ROBO1: variants seen among roughly 807,000 people sequenced by gnomAD.
ROBO1 encodes the protein roundabout homolog 1.
ROBO1 carries 149 observed loss-of-function variants against 195.9 expected under a neutral mutation model. The observed-to-expected ratio is 0.76, with a 90% CI of 0.67 to 0.87. ROBO1 has a LOEUF of 0.87. ROBO1 is among the 40% of genes least tolerant of loss of function. The pLI, the probability that ROBO1 is intolerant of heterozygous loss-of-function variation, is 0.00. For synonymous variants in ROBO1, 816 were observed against 733.2 expected (o/e 1.11, Z -1.82); for missense variants, 1,933 against 2,068.3 (o/e 0.93, Z 1.27).
At chr3:79,491,496 G>GA (rs1403933346) in intron 2 of ROBO1, among the ~76,000 whole-genome samples, 3 of 152,156 alleles carry the variant, frequency 2.0e-5, no homozygotes, top group African/African-American at 7.2e-5. Flanking sequence ...TAGCTGTCAT[G>GA]AATCACTGTT....
At chr3:79,525,735 G>T (rs1467797941) in intron 2 of ROBO1, among the ~76,000 whole-genome samples, 1 of 151,026 alleles carries the variant, frequency 6.6e-6, no homozygotes, top group East Asian at 2.0e-4. Context: ...CCTCCTGAGT[G>T]GCTGGGATTA....
At chr3:79,739,005 C>T (rs186158109) in intron 1 of ROBO1, among the ~76,000 whole-genome samples, 72 of 152,234 alleles carry the variant, frequency 4.7e-4, no homozygotes, top group African/African-American at 1.6e-3. Context: ...ATAAGTAACA[C>T]ATAAATATGT....
intron 2 of ROBO1, among the ~76,000 whole-genome samples, chr3:79,163,655 G>C (rs889279326): frequency 6.6e-6 from 1 of 152,028 alleles, no homozygotes; most frequent in African/African-American, 2.4e-5. Flanking sequence ...GTGCACAAGG[G>C]TTCCAATTTC....
chr3:79,343,392 GT>G (rs1449362492), intron 2 of ROBO1, among the ~76,000 whole-genome samples: 1 of 152,106 alleles, frequency 6.6e-6, no homozygotes, highest in African/African-American at 2.4e-5. Flanking sequence ...AGTATGTTTA[GT>G]TTTGTAAGAA....
chr3:79,691,628 A>T (rs1947300195), intron 1 of ROBO1, among the ~76,000 whole-genome samples: 2 of 151,838 alleles, frequency 1.3e-5, no homozygotes, highest in Admixed American at 1.3e-4. Context: ...CCGACTGTGC[A>T]TCCAATATAA....
chr3:79,060,981 T>C (rs1237558354), intron 3 of ROBO1, among the ~76,000 whole-genome samples: 1 of 152,128 alleles, frequency 6.6e-6, no homozygotes, highest in African/African-American at 2.4e-5. Context: ...TTCAACATAC[T>C]GTTGAAAGTT....
At chr3:79,016,501 A>G (rs777093083) in intron 3 of ROBO1, among the ~76,000 whole-genome samples, 3 of 152,190 alleles carry the variant, frequency 2.0e-5, no homozygotes, top group Non-Finnish European at 4.4e-5. Context: ...TAATTGTCTC[A>G]TATCTATTCA....
intron 2 of ROBO1, among the ~76,000 whole-genome samples, chr3:79,156,343 GT>G (rs770253289): frequency 1.3e-5 from 2 of 151,086 alleles, no homozygotes; most frequent in East Asian, 1.9e-4. Flanking sequence ...TGGATTATAA[GT>G]TTTTGGTAAG....
intron 2 of ROBO1, among the ~76,000 whole-genome samples, chr3:79,444,489 G>A (rs369825963): frequency 1.3e-5 from 2 of 152,042 alleles, no homozygotes; most frequent in South Asian, 2.1e-4. Context: ...CTGAGAAGCC[G>A]ACATTTCCTC....
chr3:79,313,299 A>T (rs1019025217), intron 2 of ROBO1, among the ~76,000 whole-genome samples: 1 of 152,172 alleles, frequency 6.6e-6, no homozygotes, highest in Non-Finnish European at 1.5e-5. Context: ...AAAAGATCCC[A>T]ATCCTGCTTA....
At chr3:78,611,755 G>A (rs1023559382) in intron 28 of ROBO1, among the ~76,000 whole-genome samples, 1 of 152,168 alleles carries the variant, frequency 6.6e-6, no homozygotes, top group African/African-American at 2.4e-5. Flanking sequence ...AAGAGGTAAT[G>A]AAGTTAAAAT....
At chr3:79,520,264 G>A (rs554378211) in intron 2 of ROBO1, among the ~76,000 whole-genome samples, 1 of 152,222 alleles carries the variant, frequency 6.6e-6, no homozygotes, top group African/African-American at 2.4e-5. Context: ...ACTAGATCGG[G>A]TGTCAGGAAG....
intron 2 of ROBO1, among the ~76,000 whole-genome samples, chr3:79,374,840 A>G (rs1575741980): frequency 1.3e-5 from 2 of 151,812 alleles, no homozygotes; most frequent in South Asian, 4.1e-4. Flanking sequence ...CTTGTATTCC[A>G]TTTTTTTCTA....
chr3:79,568,480 GAA>G (rs36032880), intron 2 of ROBO1, among the ~76,000 whole-genome samples: 3,166 of 135,390 alleles, frequency 0.023, 98 homozygotes, highest in African/African-American at 0.072. Context: ...TTTCTACATT[GAA>G]AAAAAAAAAA....
At chr3:79,425,496 T>G (rs150240880) in intron 2 of ROBO1, among the ~76,000 whole-genome samples, 1 of 152,122 alleles carries the variant, frequency 6.6e-6, no homozygotes, top group Non-Finnish European at 1.5e-5. Context: ...CACAACAGTA[T>G]AAGCCAGAAA....
chr3:79,549,475 C>T (rs1050365452), intron 2 of ROBO1, among the ~76,000 whole-genome samples: 1 of 152,086 alleles, frequency 6.6e-6, no homozygotes, highest in Non-Finnish European at 1.5e-5. Context: ...TGAATTTAAC[C>T]AACTGCAGAT....
intron 2 of ROBO1, among the ~76,000 whole-genome samples, chr3:79,196,270 G>C (rs1576800540): frequency 1.4e-5 from 2 of 141,158 alleles, no homozygotes. Flanking sequence ...GATGAGAAGA[G>C]TTTCTTTTTT....
At chr3:78,868,976 A>G (rs1171748979) in intron 4 of ROBO1, among the ~76,000 whole-genome samples, 1 of 152,222 alleles carries the variant, frequency 6.6e-6, no homozygotes, top group Non-Finnish European at 1.5e-5. Flanking sequence ...GATGTTAAAC[A>G]TATTGATCAA....
chr3:79,385,225 T>C (rs2036699965), intron 2 of ROBO1, among the ~76,000 whole-genome samples: 1 of 152,274 alleles, frequency 6.6e-6, no homozygotes, highest in South Asian at 2.1e-4. Flanking sequence ...TGTAAACTAA[T>C]GCATACTATG....
Sources: allele counts gnomAD v4.1 joint callset (sites outside exome capture counted in the v4.1 genomes callset), GRCh38; gene constraint gnomAD v4.1.1; transcripts MANE v1.5; gene names NCBI Gene and HGNC (gene_info 2026-07-23, HGNC 2026-07-21).